Variants in PTPRR observed in about 807,000 individuals in gnomAD.
The protein encoded by PTPRR is protein tyrosine phosphatase receptor type R, also known as receptor-type tyrosine-protein phosphatase R.
In PTPRR, 38 loss-of-function variants were observed where a neutral mutation model predicts 77.2. The observed-to-expected ratio is 0.49, with a 90% CI of 0.38 to 0.65. The LOEUF (loss-of-function observed/expected upper bound fraction) is 0.65, where lower values mean the gene tolerates loss of function less well. PTPRR is among the 30% of genes least tolerant of loss of function. The pLI, the probability that PTPRR is intolerant of heterozygous loss-of-function variation, is 0.00. For missense variants in PTPRR, 744 were observed against 799.2 expected (o/e 0.93, Z 0.83); for synonymous variants, 299 against 283.1 (o/e 1.06, Z -0.57).
chr12:70,876,106 G>T (rs954252777), intron 2 of PTPRR, among the ~76,000 whole-genome samples: 1 of 151,890 alleles, frequency 6.6e-6, no homozygotes, highest in Non-Finnish European at 1.5e-5. Context: ...ATAATAATTT[G>T]GTAATTTATT....
At chr12:70,782,191 G>A (rs868724492) in intron 2 of PTPRR, among the ~76,000 whole-genome samples, 2 of 152,062 alleles carry the variant, frequency 1.3e-5, no homozygotes, top group Non-Finnish European at 1.5e-5. Context: ...AGTTGCTAGG[G>A]AGCCTGAGCA....
At chr12:70,890,313 C>T (rs1441554769) in intron 2 of PTPRR, among the ~76,000 whole-genome samples, 1 of 151,900 alleles carries the variant, frequency 6.6e-6, no homozygotes, top group Non-Finnish European at 1.5e-5. Context: ...AACAAATAAA[C>T]TATAAATTTT....
At chr12:70,862,886 GATCA>G (rs1198725304) in intron 2 of PTPRR, among the ~76,000 whole-genome samples, 1 of 152,038 alleles carries the variant, frequency 6.6e-6, no homozygotes, top group Admixed American at 6.6e-5. Context: ...AGAAAGAAAA[GATCA>G]ATCAACTTAT....
intron 7 of PTPRR, 36 bp downstream of exon 7, chr12:70,701,085 CCCCATGTATCAAAATA>C: frequency 6.3e-7 from 1 of 1,580,844 alleles, no homozygotes. Context: ...GTCTCTAGTG[CCCCATGTATCAAAATA>C]CCGACTGAAG....
intron 4 of PTPRR, among the ~76,000 whole-genome samples, chr12:70,755,342 T>G (rs752279464): frequency 1.1e-4 from 16 of 152,152 alleles, no homozygotes; most frequent in Non-Finnish European, 1.8e-4. Flanking sequence ...GTAAAACACG[T>G]CTTGTAGGTG....
intron 8 of PTPRR, among the ~76,000 whole-genome samples, chr12:70,694,913 T>C (rs1888179292): frequency 1.3e-5 from 2 of 152,246 alleles, no homozygotes; most frequent in Non-Finnish European, 2.9e-5. Flanking sequence ...TGTCTGCTAA[T>C]AATTTTCTAT....
At chr12:70,821,381 C>T (rs893340154) in intron 2 of PTPRR, among the ~76,000 whole-genome samples, 1 of 151,378 alleles carries the variant, frequency 6.6e-6, no homozygotes, top group Non-Finnish European at 1.5e-5. Flanking sequence ...CACACCACCA[C>T]GCCCAGCTAA....
chr12:70,683,204 C>T (rs989923605), intron 10 of PTPRR, among the ~76,000 whole-genome samples: 1 of 152,140 alleles, frequency 6.6e-6, no homozygotes. Context: ...TAAATTCTTA[C>T]TGTCATGGTG....
chr12:70,895,578 GA>G (rs943009545), intron 1 of PTPRR, among the ~76,000 whole-genome samples: 2 of 151,348 alleles, frequency 1.3e-5, no homozygotes, highest in African/African-American at 2.4e-5. Flanking sequence ...CATTAGGTAA[GA>G]AAAAAAATTT....
At chr12:70,734,224 T>C (rs1889785547) in intron 6 of PTPRR, among the ~76,000 whole-genome samples, 1 of 152,176 alleles carries the variant, frequency 6.6e-6, no homozygotes, top group African/African-American at 2.4e-5. Flanking sequence ...AAAATCTCAT[T>C]TTAAAAAGCA....
intron 10 of PTPRR, among the ~76,000 whole-genome samples, chr12:70,680,453 T>C (rs889947267): frequency 6.6e-6 from 1 of 152,192 alleles, no homozygotes. Flanking sequence ...TGGCTTTTGC[T>C]CTATGTGTGT....
chr12:70,779,260 T>G (rs1365512049), intron 2 of PTPRR, among the ~76,000 whole-genome samples: 1 of 152,076 alleles, frequency 6.6e-6, no homozygotes, highest in East Asian at 1.9e-4. Context: ...AATTCCATCA[T>G]GTGGGCTCTC....
At chr12:70,840,203 GT>G (rs945770676) in intron 2 of PTPRR, among the ~76,000 whole-genome samples, 13 of 152,006 alleles carry the variant, frequency 8.6e-5, no homozygotes, top group Admixed American at 6.6e-5. Flanking sequence ...GGAATCTAGT[GT>G]TTTTTTTCCT....
intron 1 of PTPRR, chr12:70,906,781 A>C (rs891033466): frequency 3.3e-5 from 5 of 152,164 alleles, no homozygotes; most frequent in Non-Finnish European, 7.4e-5. Flanking sequence ...ATTTATCCTT[A>C]AACTAGCCAT....
chr12:70,677,307 C>T (rs1887485778), intron 10 of PTPRR, among the ~76,000 whole-genome samples: 1 of 152,062 alleles, frequency 6.6e-6, no homozygotes, highest in Non-Finnish European at 1.5e-5. Flanking sequence ...TTAGTTCTAA[C>T]AAGTTTTGGT....
rs140526264 is a variant in PTPRR, at chr12:70,886,760, A to C, written c.357+5919T>G. Reference sequence around the variant, plus strand: ...AATGAGATGTACTATTTATTTAATTACAAGCTTTTGAATTGTGTTTCTTTT... The same window carrying C: ...AATGAGATGTACTATTTATTTAATTCCAAGCTTTTGAATTGTGTTTCTTTT... On this transcript the variant is annotated intron_variant, in intron 2 of 13. Transcript: ENST00000283228. Among the ~76,000 whole-genome samples the C allele has an allele frequency of 3.2e-3, 493 of 152,344 alleles. 3 individuals carry two copies. Among genetic ancestry groups the C allele is most frequent in the African/African-American group, 0.011 (477 of 41,592 alleles).
chr12:70,684,832 A>G, intron 8 of PTPRR, 49 bp from the exon 9 acceptor site: 2 of 1,351,322 alleles, frequency 1.5e-6, no homozygotes, highest in Non-Finnish European at 1.0e-6. Flanking sequence ...TACCCTTTTT[A>G]AAGTTCCTTA....
At chr12:70,702,652 T>C (rs1008570591) in intron 6 of PTPRR, among the ~76,000 whole-genome samples, 1 of 152,200 alleles carries the variant, frequency 6.6e-6, no homozygotes, top group Admixed American at 6.5e-5. Context: ...CTGCCTCTGG[T>C]TGCATTTTTG....
intron 2 of PTPRR, among the ~76,000 whole-genome samples, chr12:70,847,930 A>G (rs1311870706): frequency 1.3e-5 from 2 of 152,214 alleles, no homozygotes; most frequent in African/African-American, 4.8e-5. Flanking sequence ...ATTTTCAGTG[A>G]AAATAACTTG....
Sources: allele counts gnomAD v4.1 joint callset (sites outside exome capture counted in the v4.1 genomes callset), GRCh38; gene constraint gnomAD v4.1.1; transcripts MANE v1.5; gene names NCBI Gene and HGNC (gene_info 2026-07-23, HGNC 2026-07-21).